PLA2G4E: variants seen among roughly 807,000 people sequenced by gnomAD.
PLA2G4E encodes phospholipase A2 group IVE.
A neutral mutation model predicts 109.1 loss-of-function variants in PLA2G4E; 84 were observed. The ratio of observed to expected loss-of-function variants is 0.77; its 90% CI spans 0.65 to 0.92. The LOEUF (loss-of-function observed/expected upper bound fraction) is 0.92, where lower values mean the gene tolerates loss of function less well. Ranked by LOEUF, PLA2G4E falls within the 40% of genes least tolerant of loss-of-function variation. The probability of loss-of-function intolerance (pLI) is 0.00; values close to 1 mark genes in which losing one functional copy is unlikely to be tolerated. For missense variants in PLA2G4E, 1,057 were observed against 1,076.6 expected, an observed-to-expected ratio of 0.98 and a Z score of 0.25; for synonymous variants, 469 against 436.1, an observed-to-expected ratio of 1.08 and a Z score of -0.94.
At chr15:42,030,430 T>C (rs1473316090) in intron 1 of PLA2G4E, among the ~76,000 whole-genome samples, 2 of 152,176 alleles carry the variant, frequency 1.3e-5, no homozygotes, top group Non-Finnish European at 2.9e-5. Context: ...CAGGTTTAGT[T>C]TTCTCCAAAT....
At position 41,990,033 on chromosome 15, in the gene PLA2G4E, T is replaced by C. The variant is rs977560218; in HGVS notation, c.1585+88A>G. 2.0e-5 allele frequency: 19 copies of C among 962,282 alleles called. 1 individual carries two copies. The highest frequency in any genetic ancestry group is 8.4e-5 in the South Asian group (6 of 71,206). 59.6% of individuals were successfully genotyped at this position (962,282 alleles called of 1,614,324 possible). On this transcript the variant is annotated intron_variant, in intron 14 of 19. Coordinates refer to ENST00000399518, the Ensembl canonical transcript of PLA2G4E. ...TAGAGGTTGACAAAGATGAGTGGGA[T>C]TGGGGGACCTGGAGGTGCTGGGTGC...
chr15:42,001,988 T>C (rs1237900485), intron 6 of PLA2G4E, among the ~76,000 whole-genome samples: 1 of 152,164 alleles, frequency 6.6e-6, no homozygotes, highest in Non-Finnish European at 1.5e-5. Flanking sequence ...CCACCATGAC[T>C]GGCTATGAAA....
At chr15:42,031,158 G>A (rs1208939556) in intron 1 of PLA2G4E, among the ~76,000 whole-genome samples, 2 of 151,908 alleles carry the variant, frequency 1.3e-5, no homozygotes, top group Admixed American at 6.6e-5. Flanking sequence ...TGGTAGAGTC[G>A]GGGTCTCACT....
chr15:42,025,877 C>G (rs904624037), intron 1 of PLA2G4E, among the ~76,000 whole-genome samples: 3 of 152,030 alleles, frequency 2.0e-5, no homozygotes, highest in Non-Finnish European at 4.4e-5. Flanking sequence ...AAAATAAATT[C>G]CAGATAGCTT....
chr15:41,990,257 A>G (rs1226229776), intron 13 of PLA2G4E, 22 bp from the exon 14 acceptor site: 3 of 1,606,628 alleles, frequency 1.9e-6, no homozygotes, highest in Admixed American at 1.7e-5. Flanking sequence ...CAAAATGGTT[A>G]AAGAGAAGCA....
At position 42,006,105 on chromosome 15, in the gene PLA2G4E, C is replaced by G. The variant is rs201079935; in HGVS notation, c.410G>C (p.Ser137Thr). Residue 137 changes from serine to threonine, a missense_variant, in exon 4 of 20, where the codon AGT becomes ACT. By Grantham distance (58) the Ser-to-Thr change is moderately conservative (BLOSUM62 1). Transcript: ENST00000399518. ...TGTCACTGTGTCTTCATCACAGACACTCAACTCTAGCACGTTCTAGGGGAG... is the reference window on the plus strand; with the variant it reads ...TGTCACTGTGTCTTCATCACAGACAGTCAACTCTAGCACGTTCTAGGGGAG... 1.0e-4 allele frequency: 167 copies of G among 1,613,766 alleles called. No homozygotes were observed. Among genetic ancestry groups the G allele is most frequent in the Non-Finnish European group, 1.3e-4 (157 of 1,179,808 alleles).
chr15:41,988,517 C>T lies in PLA2G4E; in HGVS notation c.1724-361G>A, dbSNP rs564594961. Among the ~76,000 whole-genome samples, 4 of 152,258 alleles carry T rather than the reference C, an allele frequency of 2.6e-5. No homozygotes were observed. The East Asian group carries it at 7.7e-4, about 29-fold the overall frequency. On this transcript the variant is annotated intron_variant, in intron 15 of 19. Transcript: ENST00000399518. Reference sequence around the variant, plus strand: ...CAGCACCTGGCACATGGCGAGCACTCAATAAATGCAAATGCTATTTGTTAT... The same window carrying T: ...CAGCACCTGGCACATGGCGAGCACTTAATAAATGCAAATGCTATTTGTTAT...
Position 41,989,414 on chromosome 15 carries a change from C to T in PLA2G4E, c.1723+1G>A, listed in dbSNP as rs1477689410. ...CATTCCGCCAGTTGCAAGGCAGTCA[C>T]CTAGCATGTAGCAGATTCGAGACTC... is the stretch of plus-strand genomic sequence containing the variant. On this transcript the variant is annotated splice_donor_variant, in intron 15 of 19. Coordinates refer to ENST00000399518, the Ensembl canonical transcript of PLA2G4E. LOFTEE classifies it high-confidence loss of function. The T allele has an allele frequency of 6.2e-7, 1 of 1,613,932 alleles. No individual in the cohort carries two copies. Among genetic ancestry groups the T allele is most frequent in the Non-Finnish European group, 8.5e-7 (1 of 1,179,836 alleles).
At chr15:41,991,063 T>C (rs1163888392) in intron 13 of PLA2G4E, among the ~76,000 whole-genome samples, 1 of 152,114 alleles carries the variant, frequency 6.6e-6, no homozygotes, top group East Asian at 1.9e-4. Context: ...AACAGGGTCA[T>C]AACTGGGCCC....
chr15:42,040,807 C>T (rs1004102345), intron 1 of PLA2G4E, among the ~76,000 whole-genome samples: 1 of 152,182 alleles, frequency 6.6e-6, no homozygotes, highest in African/African-American at 2.4e-5. Flanking sequence ...TGTTGCCTGG[C>T]TCTCAGATAC....
At chr15:42,048,336 C>G (rs1407412409) in intron 1 of PLA2G4E, among the ~76,000 whole-genome samples, 1 of 152,154 alleles carries the variant, frequency 6.6e-6, no homozygotes, top group Non-Finnish European at 1.5e-5. Context: ...CAGAACATGT[C>G]CCTGTTGTTA....
chr15:42,001,115 C>G (rs367933041), intron 7 of PLA2G4E, 42 bp downstream of exon 7: 17 of 1,561,946 alleles, frequency 1.1e-5, no homozygotes, highest in Non-Finnish European at 1.5e-5. Context: ...GGAAGCAGCT[C>G]CCCCTTGTCC....
intron 19 of PLA2G4E, 21 bp from the exon 20 acceptor site, chr15:41,983,995 T>G: frequency 2.5e-6 from 4 of 1,574,196 alleles, no homozygotes; most frequent in Non-Finnish European, 3.5e-6. Flanking sequence ...CAGGATGACT[T>G]GTTATAGACT....
At chr15:41,988,237 C>A (rs1463806795) in intron 15 of PLA2G4E, 81 bp from the exon 16 acceptor site, 6 of 811,618 alleles carry the variant, frequency 7.4e-6, no homozygotes, top group Admixed American at 2.5e-5. Flanking sequence ...ACTCCCCCCA[C>A]CCCCCCACCC....
chr15:42,004,914 GC>G (rs56992469), intron 5 of PLA2G4E, 23 bp downstream of exon 5: 313,509 of 1,611,124 alleles, frequency 0.19, 37,503 homozygotes, highest in East Asian at 0.51. Flanking sequence ...ACCTTGGTGG[GC>G]CCCGGGGCCT....
chr15:42,029,296 A>G (rs914486538), intron 1 of PLA2G4E, among the ~76,000 whole-genome samples: 1 of 152,062 alleles, frequency 6.6e-6, no homozygotes, highest in Non-Finnish European at 1.5e-5. Context: ...GGGTTTTGCC[A>G]TGTTGCCCAG....
chr15:42,045,095 C>T (rs1001942895), intron 1 of PLA2G4E, among the ~76,000 whole-genome samples: 24 of 152,156 alleles, frequency 1.6e-4, no homozygotes, highest in African/African-American at 5.3e-4. Context: ...GTACACAGGG[C>T]TGGTCTTGAA....
At chr15:42,026,596 G>C (rs1338933243) in intron 1 of PLA2G4E, among the ~76,000 whole-genome samples, 2 of 152,212 alleles carry the variant, frequency 1.3e-5, no homozygotes, top group African/African-American at 4.8e-5. Context: ...TGGAAGAGGA[G>C]GCTATCAGGT....
chr15:42,045,269 C>T (rs1889393484), intron 1 of PLA2G4E, among the ~76,000 whole-genome samples: 1 of 152,154 alleles, frequency 6.6e-6, no homozygotes, highest in South Asian at 2.1e-4. Context: ...TTGCCTCACT[C>T]CACGTGGGTG....
Sources: gnomAD v4.1 joint callset for allele counts (sites outside exome capture counted in the v4.1 genomes callset) on GRCh38, gnomAD v4.1.1 for gene constraint, MANE v1.5 for transcripts, NCBI Gene and HGNC (gene_info 2026-07-23, HGNC 2026-07-21) for gene names.